Variants in WFDC9 observed in about 807,000 individuals in gnomAD.
WFDC9 encodes protein WFDC9.
WFDC9 carries 9 observed loss-of-function variants against 9.5 expected under a neutral mutation model. The ratio of observed to expected loss-of-function variants is 0.95; its 90% CI spans 0.57 to 1.65. The LOEUF is 1.65. WFDC9 is among the 40% of genes most tolerant of loss of function. WFDC9 has a pLI of 0.00. For synonymous variants in WFDC9, 33 were observed against 32.3 expected, an observed-to-expected ratio of 1.02 and a Z score of -0.07; for missense variants, 87 against 106.7, an observed-to-expected ratio of 0.82 and a Z score of 0.81.
At chr20:45,631,106 C>CA in intron 1 of WFDC9, 97 bp downstream of exon 1, 1 of 1,428,782 alleles carries the variant, frequency 7.0e-7, no homozygotes, top group Non-Finnish European at 9.3e-7. Flanking sequence ...GACCTCAAGT[C>CA]ACCAGCATAA....
intron 1 of WFDC9, chr20:45,629,755 T>C (rs1475495733): frequency 4.4e-6 from 7 of 1,579,110 alleles, no homozygotes; most frequent in Non-Finnish European, 6.0e-6. Context: ...CGTAGACAGC[T>C]CTGCAGGGAA....
chr20:45,621,317 T>A (rs1229139143), intron 1 of WFDC9, among the ~76,000 whole-genome samples: 1 of 152,234 alleles, frequency 6.6e-6, no homozygotes, highest in East Asian at 1.9e-4. Context: ...ATAATAGATA[T>A]TGGTGTTCTC....
At chr20:45,615,994 G>A (rs79834447) in intron 1 of WFDC9, among the ~76,000 whole-genome samples, 515 of 132,174 alleles carry the variant, frequency 3.9e-3, no homozygotes, top group South Asian at 4.5e-3. Context: ...GATGGTTGTT[G>A]ACTGATCAGG....
At chr20:45,627,412 A>C (rs2145603082) in intron 1 of WFDC9, among the ~76,000 whole-genome samples, 1 of 152,292 alleles carries the variant, frequency 6.6e-6, no homozygotes, top group African/African-American at 2.4e-5. Context: ...TTATATTTAA[A>C]GGGTCATAGA....
intron 3 of WFDC9, 139 bp from the exon 4 acceptor site, chr20:45,608,949 A>G: frequency 1.1e-6 from 1 of 938,784 alleles, no homozygotes; most frequent in Non-Finnish European, 1.5e-6. Context: ...CCCTTCCTCA[A>G]ATTATAACCA....
intron 2 of WFDC9, among the ~76,000 whole-genome samples, chr20:45,611,723 A>G (rs558056982): frequency 6.6e-6 from 1 of 152,296 alleles, no homozygotes; most frequent in South Asian, 2.1e-4. Flanking sequence ...GAGTTAATGA[A>G]GAAAGATTTC....
chr20:45,630,928 C>T (rs764422055), intron 1 of WFDC9: 4 of 1,612,286 alleles, frequency 2.5e-6, no homozygotes, highest in Non-Finnish European at 3.4e-6. Context: ...TATATCTATG[C>T]AAACACTTAT....
chr20:45,620,454 C>T (rs1034966463), intron 1 of WFDC9, among the ~76,000 whole-genome samples: 2 of 151,684 alleles, frequency 1.3e-5, no homozygotes, highest in Non-Finnish European at 2.9e-5. Flanking sequence ...TAGCTGGGTG[C>T]GGTGGCACAC....
In WFDC9 at chr20:45,608,799, T is replaced by C. The variant is rs368239123; in HGVS notation, c.103A>G (p.Ile35Val). Residue 35 changes from isoleucine (I) to valine (V), a missense_variant, in exon 4 of 5, where the codon ATA becomes GTA. Physicochemically the swap from Ile to Val is conservative, Grantham distance 29. Transcript: ENST00000326000. The stretch of plus-strand genomic sequence containing the variant: ...ACCCAGCACTGCTCAGTTTCTCTTA[T>C]CATATCTAGAACTGAGATGGAAGAA... ...FWNKDPFLDM[I>V]RETEQCWVQP... 8.3e-5 allele frequency: 133 copies of C among 1,612,050 alleles called. No homozygotes were observed. Among genetic ancestry groups the C allele is most frequent in the Non-Finnish European group, 1.1e-4 (125 of 1,179,204 alleles).
chr20:45,627,051 C>G (rs1344255268), intron 1 of WFDC9, among the ~76,000 whole-genome samples: 1 of 152,100 alleles, frequency 6.6e-6, no homozygotes, highest in Non-Finnish European at 1.5e-5. Context: ...TTATCAAATG[C>G]TTTTTCTGTA....
chr20:45,629,723 C>T, intron 1 of WFDC9: 3 of 1,480,320 alleles, frequency 2.0e-6, no homozygotes, highest in Non-Finnish European at 2.8e-6. Flanking sequence ...AAGATCATTC[C>T]TTCTTTCCTT....
intron 1 of WFDC9, chr20:45,629,969 A>G: frequency 6.3e-7 from 1 of 1,583,864 alleles, no homozygotes; most frequent in Non-Finnish European, 8.6e-7. Flanking sequence ...GCCTGTGTCC[A>G]GTCTGAGTAG....
intron 1 of WFDC9, among the ~76,000 whole-genome samples, chr20:45,625,837 A>C (rs1600923969): frequency 3.7e-5 from 1 of 27,134 alleles, no homozygotes; most frequent in Non-Finnish European, 6.0e-5. Flanking sequence ...TTTTTTTGAG[A>C]CAGAGTCTTG....
At chr20:45,611,323 G>C (rs930570719) in intron 2 of WFDC9, among the ~76,000 whole-genome samples, 1 of 152,102 alleles carries the variant, frequency 6.6e-6, no homozygotes, top group Non-Finnish European at 1.5e-5. Flanking sequence ...ACCACATCCT[G>C]TTCCATAACT....
intron 1 of WFDC9, among the ~76,000 whole-genome samples, chr20:45,625,525 T>C (rs1405851510): frequency 6.6e-6 from 1 of 152,206 alleles, no homozygotes; most frequent in Admixed American, 6.5e-5. Context: ...ATATTAAAAA[T>C]CTTTTTGTAA....
At chr20:45,617,843 C>T (rs1982007163) in intron 1 of WFDC9, among the ~76,000 whole-genome samples, 1 of 152,168 alleles carries the variant, frequency 6.6e-6, no homozygotes, top group Non-Finnish European at 1.5e-5. Context: ...TTGATTAACA[C>T]ATATTTTGTA....
At chr20:45,622,498 C>T (rs930951817) in intron 1 of WFDC9, among the ~76,000 whole-genome samples, 1 of 152,134 alleles carries the variant, frequency 6.6e-6, no homozygotes, top group Non-Finnish European at 1.5e-5. Context: ...TACACTTATA[C>T]CTCTCGCTTC....
At chr20:45,630,026 G>A in intron 1 of WFDC9, 1 of 1,379,788 alleles carries the variant, frequency 7.2e-7, no homozygotes, top group Non-Finnish European at 9.9e-7. Flanking sequence ...TGACCACAAT[G>A]TTGTGTAGAC....
At chr20:45,619,518 T>C (rs1982046179) in intron 1 of WFDC9, among the ~76,000 whole-genome samples, 1 of 152,116 alleles carries the variant, frequency 6.6e-6, no homozygotes, top group Non-Finnish European at 1.5e-5. Context: ...CAAGAAATAC[T>C]AGAGAAAAGC....
Sources: allele counts gnomAD v4.1 joint callset (sites outside exome capture counted in the v4.1 genomes callset), GRCh38; gene constraint gnomAD v4.1.1; transcripts MANE v1.5; gene names NCBI Gene and HGNC (gene_info 2026-07-23, HGNC 2026-07-21).